Variants in ERBB2 observed in about 807,000 individuals in gnomAD.
The protein encoded by ERBB2 is receptor tyrosine-protein kinase erbB-2.
ERBB2 carries 61 observed loss-of-function variants against 149.0 expected under a neutral mutation model. That is an observed-to-expected ratio of 0.41 (90% CI 0.33 to 0.51). The LOEUF is 0.51. Ranked by LOEUF, ERBB2 falls within the 20% of genes least tolerant of loss-of-function variation. The pLI, the probability that ERBB2 is intolerant of heterozygous loss-of-function variation, is 0.25. For synonymous variants in ERBB2, 633 were observed against 678.8 expected (o/e 0.93, Z 1.05); for missense variants, 1,205 against 1,655.1 (o/e 0.73, Z 4.72).
chr17:39,708,114 C>T (rs12603325), intron 2 of ERBB2: 2 of 502,666 alleles, frequency 4.0e-6, no homozygotes, highest in African/African-American at 3.8e-5. Flanking sequence ...TGCCCCCCCA[C>T]CATTATCTTT....
Position 39,723,844 on chromosome 17 carries a change from G to A in ERBB2, c.2209-68G>A. Reference sequence around the variant, plus strand: ...GAAGGATGTTTGGAGGACAAGTAATGATCTCCTGGAAGGCAGGTAGGATCC... The same window carrying A: ...GAAGGATGTTTGGAGGACAAGTAATAATCTCCTGGAAGGCAGGTAGGATCC... On this transcript the variant is annotated intron_variant, in intron 18 of 26. Coordinates refer to ENST00000269571, the MANE Select transcript of ERBB2 (RefSeq NM_004448.4). This position sits in a 1 kb window ranked among gnomAD's most constrained non-coding sequence, Gnocchi z 6.2. 2 of 1,512,034 alleles carry A rather than the reference G, an allele frequency of 1.3e-6. No homozygotes were observed. The highest frequency in any genetic ancestry group is 1.8e-6 in the Non-Finnish European group (2 of 1,091,326). The allele number at this position is 1,512,034 out of a possible 1,614,324, so 93.7% of individuals were successfully genotyped here. A position where few individuals can be genotyped will look rare whatever the true frequency, so the allele number is the denominator to read the frequency against.
At position 39,728,002 on chromosome 17, in the gene ERBB2, G is replaced by A. The variant is rs753222413; in HGVS notation, c.3726G>A (p.Thr1242=). 5.5e-5 allele frequency: 88 copies of A among 1,610,264 alleles called. No individual in the cohort carries two copies. Among genetic ancestry groups the A allele is most frequent in the Admixed American group, 1.2e-4 (7 of 59,912 alleles). The change falls in exon 27 of 27, where the codon ACG becomes ACA. Residue 1242 remains threonine, a synonymous_variant. Transcript: ENST00000269571. The part of the protein sequence containing the change: ...APPSTFKGTP[T]AENPEYLGLD... ...CCAGCACCTTCAAAGGGACACCTACGGCAGAGAACCCAGAGTACCTGGGTC... is the reference window on the plus strand; with the variant it reads ...CCAGCACCTTCAAAGGGACACCTACAGCAGAGAACCCAGAGTACCTGGGTC...
rs2145407644 is a variant in ERBB2, at chr17:39,707,064, T to C, written c.148T>C (p.Tyr50His). 1 of 1,608,292 alleles carries C rather than the reference T, an allele frequency of 6.2e-7. No homozygotes were observed. The highest frequency in any genetic ancestry group is 8.5e-7 in the Non-Finnish European group (1 of 1,177,502). The change falls in exon 2 of 27, where the codon TAC (tyrosine) becomes CAC (histidine). Residue 50 changes from tyrosine (Y) to histidine (H), a missense_variant. Coordinates refer to ENST00000269571, the MANE Select transcript of ERBB2 (RefSeq NM_004448.4). The stretch of plus-strand genomic sequence containing the variant: ...CCACCTGGACATGCTCCGCCACCTC[T>C]ACCAGGGCTGCCAGGTGGTGCAGGG... ...ETHLDMLRHL[Y>H]QGCQVVQGNL... is the part of the protein sequence containing the mutation.
intron 3 of ERBB2, 58 bp downstream of exon 3, chr17:39,708,592 T>C: frequency 7.3e-7 from 1 of 1,375,550 alleles, no homozygotes. Flanking sequence ...CCAGGGCCAC[T>C]GCTAACCAGG....
At chr17:39,700,922 G>A (rs1333408753) in intron 1 of ERBB2, among the ~76,000 whole-genome samples, 2 of 151,836 alleles carry the variant, frequency 1.3e-5, no homozygotes, top group Admixed American at 6.6e-5. Context: ...CTGGGGTCTG[G>A]GTTGGGGGCG....
chr17:39,694,267 A>ATATATATG (rs1268197240), upstream of ERBB2, among the ~76,000 whole-genome samples: 3 of 25,608 alleles, frequency 1.2e-4, no homozygotes, highest in East Asian at 7.2e-4. Flanking sequence ...ATATATATAT[A>ATATATATG]TGTGTGTATA....
rs1217233601 is a variant in ERBB2 at position 39,726,817 on chromosome 17, T to C, written c.2973T>C (p.Asn991=). The C allele has an allele frequency of 3.7e-6, 6 of 1,611,290 alleles. No homozygotes were observed. The highest frequency in any genetic ancestry group is 1.7e-5 in the Admixed American group (1 of 59,866). The change falls in exon 25 of 27, where the codon AAT becomes AAC. Residue 991 remains asparagine, a splice_region_variant and synonymous_variant. Transcript: ENST00000269571. This position sits in a 1 kb window ranked among gnomAD's most constrained non-coding sequence, Gnocchi z 5.1. ...RDPQRFVVIQ[N]EDLGPASPLD... is the part of the protein sequence containing the mutation. Reference sequence around the variant, plus strand: ...TCCTGCCTCTCCTTCCTCCACAGAATGAGGACTTGGGCCCAGCCAGTCCCT... The same window carrying C: ...TCCTGCCTCTCCTTCCTCCACAGAACGAGGACTTGGGCCCAGCCAGTCCCT...
At chr17:39,718,436 A>C (rs996766782) in intron 15 of ERBB2, among the ~76,000 whole-genome samples, 1 of 152,218 alleles carries the variant, frequency 6.6e-6, no homozygotes, top group African/African-American at 2.4e-5. Context: ...TCTTTTCTGC[A>C]CACTTATATA....
chr17:39,690,164 C>T (rs1442072530), upstream of ERBB2, among the ~76,000 whole-genome samples: 1 of 152,186 alleles, frequency 6.6e-6, no homozygotes, highest in East Asian at 1.9e-4. Flanking sequence ...CGACTCACTG[C>T]AACCTCAACC....
chr17:39,727,703 C>A lies in ERBB2; in HGVS notation c.3427C>A (p.Pro1143Thr), dbSNP rs587778268. The change falls in exon 27 of 27, where the codon CCA becomes ACA. Residue 1143 changes from proline (P) to threonine (T), a missense_variant. Physicochemically the swap from Pro to Thr is conservative, Grantham distance 38 (BLOSUM62 -1). Around this residue, in one of 6 missense-constraint regions of ERBB2, gnomAD observed 312 missense variants for 343.8 expected, o/e 0.91. Transcript: ENST00000269571. The surrounding 1 kb of genome is among the most constrained non-coding windows in gnomAD (Gnocchi z 4.3). The stretch of plus-strand genomic sequence containing the variant: ...TGACCTTTCAGAATATGTGAACCAG[C>A]CAGATGTTCGGCCCCAGCCCCCTTC... ...CSPQPEYVNQ[P>T]DVRPQPPSPR... 2.2e-5 allele frequency: 34 copies of A among 1,554,524 alleles called. No homozygotes were observed. The highest frequency in any genetic ancestry group is 2.8e-5 in the Non-Finnish European group (32 of 1,150,832).
chr17:39,721,093 C>T (rs561530600), intron 16 of ERBB2, among the ~76,000 whole-genome samples: 34 of 152,076 alleles, frequency 2.2e-4, no homozygotes, highest in African/African-American at 7.5e-4. Flanking sequence ...ACTATAGGAG[C>T]GTGCCACCAC....
chr17:39,707,330 A>C (rs1294781294), intron 2 of ERBB2, 189 bp downstream of exon 2: 2 of 505,832 alleles, frequency 4.0e-6, no homozygotes, highest in Non-Finnish European at 6.8e-6. Context: ...CTCTCTCTAT[A>C]ACGTGGCTGG....
rs760740706 is a variant in ERBB2, at chr17:39,723,711, T to C, written c.2208+51T>C. The C allele has an allele frequency of 2.5e-5, 39 of 1,570,700 alleles. No individual in the cohort carries two copies. The African/African-American group carries it at 4.2e-4, about 17-fold the overall frequency. On this transcript the variant is annotated intron_variant, in intron 18 of 26. Transcript: ENST00000269571. This position sits in a 1 kb window ranked among gnomAD's most constrained non-coding sequence, Gnocchi z 6.2. ...GGCCCCAGAGGATGGGGGCGGTGCC[T>C]GGAGGGGTGTGGTCGGCAGTTCTGA...
chr17:39,724,408 A>G (rs1429458641), intron 19 of ERBB2, among the ~76,000 whole-genome samples: 1 of 151,362 alleles, frequency 6.6e-6, no homozygotes, highest in African/African-American at 2.4e-5. Flanking sequence ...TACAGGCGCG[A>G]GCCACCACGC....
rs532650874 is a variant in ERBB2 at position 39,711,089 on chromosome 17, A to G, written c.901+608A>G. Among the ~76,000 whole-genome samples the G allele has an allele frequency of 3.3e-5, 5 of 152,122 alleles. No individual in the cohort carries two copies. The South Asian group carries it at 6.2e-4, about 19-fold the overall frequency. On this transcript the variant is annotated intron_variant, in intron 7 of 26. Coordinates refer to ENST00000269571, the MANE Select transcript of ERBB2 (RefSeq NM_004448.4). ...TAAATTTTGTATTTTTAGTAGAGAC[A>G]GGGTTTCACCACGTTGGCCAGACTG...
At chr17:39,713,787 G>A (rs2058957498) in intron 9 of ERBB2, among the ~76,000 whole-genome samples, 1 of 149,106 alleles carries the variant, frequency 6.7e-6, no homozygotes, top group Non-Finnish European at 1.5e-5. Flanking sequence ...CAGGCGCCGT[G>A]GTGCACACCT....
Position 39,709,868 on chromosome 17 carries a change from G to A in ERBB2, c.630G>A (p.Glu210=), listed in dbSNP as rs756204333. The A allele has an allele frequency of 6.2e-7, 1 of 1,613,534 alleles. No individual in the cohort carries two copies. Among genetic ancestry groups the A allele is most frequent in the African/African-American group, 1.3e-5 (1 of 75,050 alleles). ...CCCGCTGCTGGGGAGAGAGTTCTGAGGATTGTCAGAGCCGTGAGTCTCAGG... is the reference window on the plus strand; with the variant it reads ...CCCGCTGCTGGGGAGAGAGTTCTGAAGATTGTCAGAGCCGTGAGTCTCAGG... The part of the protein sequence containing the change: ...KGSRCWGESS[E]DCQSLTRTVC... The change falls in exon 5 of 27, where the codon GAG becomes GAA. Residue 210 remains glutamate, a synonymous_variant. Transcript: ENST00000269571.
chr17:39,691,294 A>G (rs1331695391), upstream of ERBB2, among the ~76,000 whole-genome samples: 1 of 152,098 alleles, frequency 6.6e-6, no homozygotes, highest in Non-Finnish European at 1.5e-5. Flanking sequence ...CTGTAATCCC[A>G]GCACTGTGGG....
chr17:39,721,579 G>A (rs541292291), intron 16 of ERBB2, among the ~76,000 whole-genome samples: 10 of 152,132 alleles, frequency 6.6e-5, no homozygotes, highest in Admixed American at 1.3e-4. Flanking sequence ...TGGCGGAGCC[G>A]AGTCTTAAAA....
Sources: gnomAD v4.1 joint callset for allele counts (sites outside exome capture counted in the v4.1 genomes callset) on GRCh38, gnomAD v4.1.1 for gene constraint, gnomAD v4.1.1 regional missense constraint, Gnocchi (gnomAD v3.1) non-coding constraint, MANE v1.5 for transcripts, NCBI Gene and HGNC (gene_info 2026-07-23, HGNC 2026-07-21) for gene names.